The following LRCH1 variants were observed in gnomAD, a reference collection of about 807,000 sequenced individuals.
LRCH1 encodes the protein leucine-rich repeat and calponin homology domain-containing protein 1.
A neutral mutation model predicts 94.9 loss-of-function variants in LRCH1; 23 were observed. The ratio of observed to expected loss-of-function variants is 0.24; its 90% CI spans 0.17 to 0.34. The LOEUF is 0.34. Among genes scored for constraint, LRCH1 ranks in the 10% least tolerant of loss-of-function variants. The pLI is 1.00. For synonymous variants in LRCH1, 364 were observed against 354.9 expected (o/e 1.03, Z -0.29); for missense variants, 790 against 945.9 (o/e 0.84, Z 2.16).
chr13:46,580,328 C>T (rs1459754979), intron 1 of LRCH1, among the ~76,000 whole-genome samples: 3 of 152,066 alleles, frequency 2.0e-5, no homozygotes, highest in African/African-American at 7.2e-5. Context: ...CTTGTAGGGC[C>T]CTTCTGTCAT....
chr13:46,620,490 T>G (rs111633199), intron 1 of LRCH1, among the ~76,000 whole-genome samples: 4 of 152,150 alleles, frequency 2.6e-5, no homozygotes, highest in East Asian at 1.9e-4. Flanking sequence ...AAGTATAGAG[T>G]AAAATGAAAG....
intron 1 of LRCH1, among the ~76,000 whole-genome samples, chr13:46,556,680 T>C (rs2050069707): frequency 6.6e-6 from 1 of 152,140 alleles, no homozygotes; most frequent in Non-Finnish European, 1.5e-5. Context: ...TGCTGAAGAT[T>C]ATACCTCTAC....
chr13:46,694,408 G>A (rs1871067964), intron 8 of LRCH1, among the ~76,000 whole-genome samples: 1 of 152,118 alleles, frequency 6.6e-6, no homozygotes, highest in South Asian at 2.1e-4. Flanking sequence ...ATGATTTGGG[G>A]CTCTTGCCTA....
intron 1 of LRCH1, among the ~76,000 whole-genome samples, chr13:46,576,630 C>A (rs575718335): frequency 6.6e-6 from 1 of 152,340 alleles, no homozygotes; most frequent in East Asian, 1.9e-4. Context: ...ATGTTCTCAA[C>A]CTGGCCCAGC....
chr13:46,741,679 A>G lies in LRCH1; in HGVS notation c.2123A>G (p.Asp708Gly). The G allele has an allele frequency of 6.2e-7, 1 of 1,614,044 alleles. No homozygotes were observed. Among genetic ancestry groups the G allele is most frequent in the Non-Finnish European group, 8.5e-7 (1 of 1,180,002 alleles). ...LCSPCDILQL[D>G]FRHIRKTVDT... ...TCTCCGTGTGACATCCTGCAGTTGG[A>G]TTTTCGTCACATTCGAAAGACTGTT... The change falls in exon 20 of 20, where the codon GAT becomes GGT. Residue 708 changes from aspartate (D) to glycine (G), a missense_variant. By Grantham distance (94) the Asp-to-Gly change is moderately conservative (BLOSUM62 -1). This residue lies in a region of LRCH1 where 460 missense variants were observed against 508.9 expected (regional missense o/e 0.90). Transcript: ENST00000389797.
Position 46,602,982 on chromosome 13 carries a change from A to G in LRCH1, c.308-47219A>G, listed in dbSNP as rs9670232. Among the ~76,000 whole-genome samples, 73 of 45,200 alleles carry G rather than the reference A, an allele frequency of 1.6e-3. No homozygotes were observed. In the South Asian group the frequency reaches 0.036, roughly 23 times the overall value. The allele number at this position is 45,200 out of a possible 152,430, so 29.7% of individuals were successfully genotyped here. ...TACATGCATACATACATGCATGCAT[A>G]CATACATACATACATACATACATGT... On this transcript the variant is annotated intron_variant, in intron 1 of 19. Transcript: ENST00000389797.
chr13:46,671,353 C>T lies in LRCH1; in HGVS notation c.579+2197C>T, dbSNP rs889327388. Among the ~76,000 whole-genome samples, 5 of 152,206 alleles carry T rather than the reference C, an allele frequency of 3.3e-5. No individual in the cohort carries two copies. In the East Asian group the frequency reaches 7.7e-4, roughly 23 times the overall value. On this transcript the variant is annotated intron_variant, in intron 3 of 19. Coordinates refer to ENST00000389797, the MANE Select transcript of LRCH1 (RefSeq NM_001164211.2). ...TTACTTGGCTTTCTCTGTGCCAGCT[C>T]CCCCCACACCCTGATAGCTGCTTAC...
intron 7 of LRCH1, among the ~76,000 whole-genome samples, chr13:46,690,306 G>T (rs901654648): frequency 1.3e-5 from 2 of 152,130 alleles, no homozygotes; most frequent in Non-Finnish European, 2.9e-5. Context: ...ATAGTTTACC[G>T]TGCTTCAGTG....
chr13:46,670,823 T>TCAGGGA (rs56058552), intron 3 of LRCH1, among the ~76,000 whole-genome samples: 117,483 of 151,124 alleles, frequency 0.78, 45,806 homozygotes, highest in East Asian at 0.91. Context: ...AAAAAAGAAG[T>TCAGGGA]CAGGGACAGG....
At chr13:46,583,844 T>A (rs1313609695) in intron 1 of LRCH1, among the ~76,000 whole-genome samples, 1 of 151,568 alleles carries the variant, frequency 6.6e-6, no homozygotes, top group Non-Finnish European at 1.5e-5. Context: ...CACTGCAACC[T>A]CCGCCTCTCA....
At chr13:46,593,239 A>T (rs902019329) in intron 1 of LRCH1, among the ~76,000 whole-genome samples, 15 of 150,868 alleles carry the variant, frequency 9.9e-5, no homozygotes, top group East Asian at 3.9e-4. Context: ...GACTTGAAAT[A>T]AAAAAAAAGT....
At chr13:46,688,112 T>G (rs1173572043) in intron 6 of LRCH1, 133 bp downstream of exon 6, 8 of 886,638 alleles carry the variant, frequency 9.0e-6, no homozygotes, top group Non-Finnish European at 1.3e-5. Context: ...ACAGAACAAT[T>G]TGGTTTAATC....
intron 1 of LRCH1, among the ~76,000 whole-genome samples, chr13:46,558,649 C>A (rs918705080): frequency 2.1e-5 from 3 of 145,414 alleles, no homozygotes; most frequent in African/African-American, 7.7e-5. Flanking sequence ...ATGAGAATTG[C>A]TTGAACCTGG....
At chr13:46,701,074 A>G (rs1174891894) in intron 10 of LRCH1, 47 bp from the exon 11 acceptor site, 9 of 1,143,566 alleles carry the variant, frequency 7.9e-6, no homozygotes, top group African/African-American at 1.5e-5. Context: ...GATGATATTC[A>G]TGTTGTATTG....
At chr13:46,560,136 C>A (rs1213282968) in intron 1 of LRCH1, among the ~76,000 whole-genome samples, 1 of 57,224 alleles carries the variant, frequency 1.7e-5, no homozygotes, top group Admixed American at 2.5e-4. Context: ...CATTTCTGTT[C>A]CCCCATATAT....
At chr13:46,677,493 A>G (rs891454226) in intron 3 of LRCH1, among the ~76,000 whole-genome samples, 9 of 152,204 alleles carry the variant, frequency 5.9e-5, no homozygotes, top group Non-Finnish European at 1.0e-4. Context: ...GAAAGTGAGT[A>G]TAACCTAGTT....
rs555705594 is a variant in LRCH1 at position 46,723,349 on chromosome 13, G to T, written c.1869+19G>T. On this transcript the variant is annotated intron_variant, in intron 17 of 19. Coordinates refer to ENST00000389797, the MANE Select transcript of LRCH1 (RefSeq NM_001164211.2). ...TCGTGAGGTACCCAAGAAATATTATGTAACTAAAGGAGAATTTAAGCAACA... is the reference window on the plus strand; with the variant it reads ...TCGTGAGGTACCCAAGAAATATTATTTAACTAAAGGAGAATTTAAGCAACA... The T allele has an allele frequency of 6.8e-7, 1 of 1,469,354 alleles. No individual in the cohort carries two copies. The highest frequency in any genetic ancestry group is 1.7e-5 in the Admixed American group (1 of 57,470). The allele number at this position is 1,469,354 out of a possible 1,614,324, so 91.0% of individuals were successfully genotyped here.
chr13:46,613,253 G>A (rs764063921), intron 1 of LRCH1, among the ~76,000 whole-genome samples: 1 of 152,066 alleles, frequency 6.6e-6, no homozygotes, highest in Non-Finnish European at 1.5e-5. Flanking sequence ...AGCCGAGCGT[G>A]GTGGCACGTG....
intron 2 of LRCH1, among the ~76,000 whole-genome samples, chr13:46,656,837 T>C (rs1382819834): frequency 6.6e-6 from 1 of 152,258 alleles, no homozygotes; most frequent in Non-Finnish European, 1.5e-5. Context: ...TGACAGGCTT[T>C]ATAAAGTGTG....
Sources: allele counts gnomAD v4.1 joint callset (sites outside exome capture counted in the v4.1 genomes callset), GRCh38; gene constraint gnomAD v4.1.1; regional missense constraint gnomAD v4.1.1; transcripts MANE v1.5; gene names NCBI Gene and HGNC (gene_info 2026-07-23, HGNC 2026-07-21).